The following C3orf70 variants were observed in gnomAD, a reference collection of about 807,000 sequenced individuals.
The protein encoded by C3orf70 is UPF0524 protein C3orf70.
C3orf70 carries 15 observed loss-of-function variants against 20.7 expected under a neutral mutation model. The observed-to-expected ratio is 0.72, with a 90% CI of 0.48 to 1.11. The LOEUF (loss-of-function observed/expected upper bound fraction) is 1.11. Among genes scored for constraint, C3orf70 ranks in the 50% most tolerant of loss-of-function variants. The probability of loss-of-function intolerance (pLI) is 0.00; values close to 1 mark genes in which losing one functional copy is unlikely to be tolerated. For synonymous variants in C3orf70, 161 were observed against 125.7 expected, an observed-to-expected ratio of 1.28 and a Z score of -1.88; for missense variants, 332 against 317.6, an observed-to-expected ratio of 1.05 and a Z score of -0.34.
At chr3:185,134,645 A>T (rs1685384090) in intron 1 of C3orf70, among the ~76,000 whole-genome samples, 1 of 152,194 alleles carries the variant, frequency 6.6e-6, no homozygotes, top group Non-Finnish European at 1.5e-5. Context: ...GACAAAAAAA[A>T]CTTTCAGAGA....
At chr3:185,127,367 C>T (rs964426453) in intron 1 of C3orf70, among the ~76,000 whole-genome samples, 19 of 152,158 alleles carry the variant, frequency 1.2e-4, no homozygotes, top group Admixed American at 1.2e-3. Context: ...TAATTTCTAA[C>T]TCCCTGAGAA....
rs539789792 is a variant in C3orf70 at position 185,153,015 on chromosome 3, C to T, written c.-192G>A. On this transcript the variant is annotated 5_prime_UTR_variant, in exon 1 of 2. Coordinates refer to ENST00000335012, the MANE Select transcript of C3orf70 (RefSeq NM_001025266.3). This position sits in a 1 kb window ranked among gnomAD's most constrained non-coding sequence, Gnocchi z 6.8. ...CCGCCCCGGGCGCTGCGACCGGGTC[C>T]GGGCTGGCAGCCTCCCTCCCTCCGG... 9 of 248,150 alleles carry T rather than the reference C, an allele frequency of 3.6e-5. No homozygotes were observed. In the East Asian group the frequency reaches 8.0e-4, roughly 22 times the overall value. 15.4% of individuals were successfully genotyped at this position (248,150 alleles called of 1,614,324 possible). A position where few individuals can be genotyped will look rare whatever the true frequency, so the allele number is the denominator to read the frequency against.
At chr3:185,152,376 T>C (rs1259699482) in intron 1 of C3orf70, among the ~76,000 whole-genome samples, 3 of 152,050 alleles carry the variant, frequency 2.0e-5, no homozygotes, top group Non-Finnish European at 2.9e-5. Context: ...GAGCTCCCTT[T>C]TGTAGAAGTA....
chr3:185,083,684 A>G (rs1161594975), intron 1 of C3orf70, 121 bp from the exon 2 acceptor site: 1 of 772,368 alleles, frequency 1.3e-6, no homozygotes, highest in East Asian at 2.7e-5. Context: ...AAAAGAAACT[A>G]GTAATAAAAT....
At chr3:185,091,202 G>C (rs754643494) in intron 1 of C3orf70, among the ~76,000 whole-genome samples, 7 of 151,992 alleles carry the variant, frequency 4.6e-5, no homozygotes, top group Non-Finnish European at 8.8e-5. Flanking sequence ...CAGTGGAACA[G>C]GATTCCAAGT....
chr3:185,151,198 T>C (rs1304566694), intron 1 of C3orf70, among the ~76,000 whole-genome samples: 1 of 152,236 alleles, frequency 6.6e-6, no homozygotes, highest in Non-Finnish European at 1.5e-5. Flanking sequence ...AGGGAGAAGC[T>C]GTCTGAGAAA....
intron 1 of C3orf70, among the ~76,000 whole-genome samples, chr3:185,122,808 A>G (rs1346642225): frequency 2.7e-5 from 4 of 149,868 alleles, no homozygotes; most frequent in Non-Finnish European, 4.4e-5. Context: ...ACAAAAGGCA[A>G]TTGGTCTCTG....
intron 1 of C3orf70, among the ~76,000 whole-genome samples, chr3:185,097,453 G>T (rs9836669): frequency 0.036 from 5,424 of 152,048 alleles, 323 homozygotes; most frequent in African/African-American, 0.12. Flanking sequence ...TTGATTATTC[G>T]CCCCCAAAGG....
At chr3:185,114,818 G>A (rs1176218032) in intron 1 of C3orf70, among the ~76,000 whole-genome samples, 2 of 152,158 alleles carry the variant, frequency 1.3e-5, no homozygotes, top group South Asian at 2.1e-4. Flanking sequence ...ATCTCCAGAC[G>A]TAAGACTATT....
intron 1 of C3orf70, among the ~76,000 whole-genome samples, chr3:185,117,084 C>T (rs1034126170): frequency 2.0e-4 from 31 of 152,172 alleles, no homozygotes; most frequent in African/African-American, 7.5e-4. Context: ...CCCGGCCTGA[C>T]CCTCTACATT....
rs571305167 is a variant in C3orf70 at position 185,128,246 on chromosome 3, C to T, written c.196+24382G>A. 1.6e-4 allele frequency among the ~76,000 whole-genome samples: 25 copies of T among 152,170 alleles called. No individual in the cohort carries two copies. The South Asian group carries it at 4.2e-3, about 25-fold the overall frequency. On this transcript the variant is annotated intron_variant, in intron 1 of 1. Coordinates refer to ENST00000335012, the MANE Select transcript of C3orf70 (RefSeq NM_001025266.3). ...AAACCACCAGGTAAAAAGTGAAAATCGGCCAGGTGTGGTGGCTCATGCCTG... is the reference window on the plus strand; with the variant it reads ...AAACCACCAGGTAAAAAGTGAAAATTGGCCAGGTGTGGTGGCTCATGCCTG...
rs1715292764 is a variant in C3orf70, at chr3:185,079,824, A to G, written c.*3183T>C. The G allele has an allele frequency of 6.5e-6, 1 of 152,684 alleles. No individual in the cohort carries two copies. The highest frequency in any genetic ancestry group is 6.5e-5 in the Admixed American group (1 of 15,290). The allele number at this position is 152,684 out of a possible 1,614,324, so 9.5% of individuals were successfully genotyped here. A position where few individuals can be genotyped will look rare whatever the true frequency, so the allele number is the denominator to read the frequency against. ...GCATATTACTGGGTCCAAAGTATAC[A>G]GCTTTCATATCTGTCAGTCAGTGTG... is the stretch of plus-strand genomic sequence containing the variant. On this transcript the variant is annotated 3_prime_UTR_variant, in exon 2 of 2. Transcript: ENST00000335012.
At chr3:185,091,926 T>TATATATATA (rs1715586098) in intron 1 of C3orf70, among the ~76,000 whole-genome samples, 2 of 3,912 alleles carry the variant, frequency 5.1e-4, no homozygotes, top group African/African-American at 1.4e-3. Flanking sequence ...TATATATATA[T>TATATATATA]ATATATATAT....
intron 1 of C3orf70, among the ~76,000 whole-genome samples, chr3:185,116,940 G>A (rs927131311): frequency 6.6e-6 from 1 of 151,912 alleles, no homozygotes; most frequent in African/African-American, 2.4e-5. Context: ...CACCATGCCC[G>A]GCTAATTTTT....
At position 185,105,676 on chromosome 3, in the gene C3orf70, G is replaced by A. The variant is rs147180350; in HGVS notation, c.197-22113C>T. On this transcript the variant is annotated intron_variant, in intron 1 of 1. Transcript: ENST00000335012. ...GTGTGTTTTTAATTCCTCTAGTGCC[G>A]CTGGGTTAGGGTCTCCCCAACCGAG... Among the ~76,000 whole-genome samples, 620 of 152,230 alleles carry A rather than the reference G, an allele frequency of 4.1e-3. 10 individuals carry two copies. Among genetic ancestry groups the A allele is most frequent in the Admixed American group, 0.029 (447 of 15,296 alleles).
At chr3:185,141,016 A>C (rs1418516415) in intron 1 of C3orf70, among the ~76,000 whole-genome samples, 1 of 151,846 alleles carries the variant, frequency 6.6e-6, no homozygotes, top group Non-Finnish European at 1.5e-5. Context: ...AAAGTGCTCT[A>C]TCCCTCTTTC....
At chr3:185,121,751 A>G (rs1373169689) in intron 1 of C3orf70, among the ~76,000 whole-genome samples, 1 of 152,214 alleles carries the variant, frequency 6.6e-6, no homozygotes, top group Non-Finnish European at 1.5e-5. Flanking sequence ...GCAAGGCCCA[A>G]TGATAGGCTA....
intron 1 of C3orf70, among the ~76,000 whole-genome samples, chr3:185,094,653 G>A (rs1290179026): frequency 2.0e-5 from 3 of 151,214 alleles, no homozygotes; most frequent in East Asian, 3.9e-4. Context: ...GAAACTTCTG[G>A]TAGATTAAAA....
chr3:185,103,440 G>C (rs921519791), intron 1 of C3orf70, among the ~76,000 whole-genome samples: 8 of 151,906 alleles, frequency 5.3e-5, no homozygotes. Flanking sequence ...GAAGATTTTT[G>C]CAAACTATAC....
Sources: gnomAD v4.1 joint callset for allele counts (sites outside exome capture counted in the v4.1 genomes callset) on GRCh38, gnomAD v4.1.1 for gene constraint, Gnocchi (gnomAD v3.1) non-coding constraint, MANE v1.5 for transcripts, NCBI Gene and HGNC (gene_info 2026-07-23, HGNC 2026-07-21) for gene names.